The following SDF2 variants were observed in gnomAD, a reference collection of about 807,000 sequenced individuals.
SDF2 encodes stromal cell derived factor 2, also known as stromal cell-derived factor 2.
In SDF2, 12 loss-of-function variants were observed where a neutral mutation model predicts 20.5. The ratio of observed to expected loss-of-function variants is 0.58; its 90% CI spans 0.37 to 0.95. SDF2 has a LOEUF of 0.95. SDF2 is among the 40% of genes least tolerant of loss of function. The probability of loss-of-function intolerance (pLI) is 0.01; values close to 1 mark genes in which losing one functional copy is unlikely to be tolerated. For synonymous variants in SDF2, 100 were observed against 101.0 expected (o/e 0.99, Z 0.06); for missense variants, 238 against 263.1 (o/e 0.90, Z 0.66).
At chr17:28,653,263 CCT>C (rs1324270862) in intron 2 of SDF2, among the ~76,000 whole-genome samples, 1 of 152,154 alleles carries the variant, frequency 6.6e-6, no homozygotes, top group Non-Finnish European at 1.5e-5. Flanking sequence ...AGTATGTACC[CCT>C]GATATGATGG....
In SDF2 at chr17:28,655,363, G is replaced by C. The variant is rs1482993361; in HGVS notation, c.272C>G (p.Pro91Arg). The change falls in exon 2 of 3, where the codon CCC (proline) becomes CGC (arginine). Residue 91 changes from proline to arginine, a missense_variant. Coordinates refer to ENST00000247020, the MANE Select transcript of SDF2 (RefSeq NM_006923.4). ...AGTGTTGACATGTGTCAGCCGGATG[G>C]GCTGGCCACACTTGATGGGGGTTCC... ...ERGTPIKCGQ[P>R]IRLTHVNTGR... The C allele has an allele frequency of 1.2e-6, 2 of 1,614,130 alleles. No homozygotes were observed.
intron 1 of SDF2, chr17:28,661,207 A>G (rs2072034719): frequency 2.2e-6 from 1 of 453,482 alleles, no homozygotes; most frequent in African/African-American, 2.0e-5. Flanking sequence ...GAGCAAGTGT[A>G]AGATGCAGAA....
intron 1 of SDF2, chr17:28,655,974 G>C (rs2071958611): frequency 6.4e-6 from 1 of 155,166 alleles, no homozygotes; most frequent in Non-Finnish European, 1.4e-5. Flanking sequence ...TACTTCAAAT[G>C]CAAGAAATTA....
chr17:28,657,706 A>G (rs2071977059), intron 1 of SDF2: 1 of 152,016 alleles, frequency 6.6e-6, no homozygotes, highest in Admixed American at 6.5e-5. Context: ...CCTAAAAAAA[A>G]ATTTTTATAT....
intron 2 of SDF2, among the ~76,000 whole-genome samples, chr17:28,654,079 G>A (rs1318874476): frequency 6.6e-6 from 1 of 151,930 alleles, no homozygotes; most frequent in Non-Finnish European, 1.5e-5. Context: ...GGGAGGCTGA[G>A]GCAGGCAGAT....
At chr17:28,651,043 T>C (rs2071910835) in intron 2 of SDF2, among the ~76,000 whole-genome samples, 1 of 151,910 alleles carries the variant, frequency 6.6e-6, no homozygotes, top group African/African-American at 2.4e-5. Context: ...GTGCTGGGAT[T>C]ACAGGTGTGA....
Position 28,656,838 on chromosome 17 carries a change from T to TA in SDF2, c.152-1356dup, listed in dbSNP as rs1308542175. Among the ~76,000 whole-genome samples, 12 of 152,350 alleles carry TA rather than the reference T, an allele frequency of 7.9e-5. No individual in the cohort carries two copies. The East Asian group carries it at 2.1e-3, about 27-fold the overall frequency. ...TATTCATGTTCATTAACTATTATGATAAAAATTTTTGTATTTCACAATTAA... is the reference window on the plus strand; with the variant it reads ...TATTCATGTTCATTAACTATTATGATAAAAAATTTTTGTATTTCACAATTAA... On this transcript the variant is annotated intron_variant, in intron 1 of 2. Transcript: ENST00000247020.
At chr17:28,660,245 A>T (rs911184715) in intron 1 of SDF2, among the ~76,000 whole-genome samples, 4 of 152,238 alleles carry the variant, frequency 2.6e-5, no homozygotes, top group African/African-American at 9.6e-5. Flanking sequence ...GAAAGAGAGA[A>T]GAGACAAGAG....
intron 1 of SDF2, chr17:28,661,152 G>A (rs2072033307): frequency 2.2e-6 from 1 of 449,368 alleles, no homozygotes. Context: ...CTTACAAGAA[G>A]GAGGTTAAGG....
chr17:28,661,083 T>TAAAAAAAA (rs11385140), intron 1 of SDF2: 3 of 314,558 alleles, frequency 9.5e-6, no homozygotes, highest in African/African-American at 2.8e-5. Context: ...TTTCAAACGC[T>TAAAAAAAA]AAAAAAAAAA....
At position 28,657,407 on chromosome 17, in the gene SDF2, T is replaced by C. The variant is rs534657039; in HGVS notation, c.152-1924A>G. 1.3e-3 allele frequency among the ~76,000 whole-genome samples: 193 copies of C among 151,810 alleles called. 1 individual carries two copies. Among genetic ancestry groups the C allele is most frequent in the Middle Eastern group, 3.4e-3 (1 of 294 alleles). On this transcript the variant is annotated intron_variant, in intron 1 of 2. Transcript: ENST00000247020. Reference sequence around the variant, plus strand: ...AAACGTACATATATATATATGTATTTTTTTTTTTTGATACAGGATCCCTCT... The same window carrying C: ...AAACGTACATATATATATATGTATTCTTTTTTTTTGATACAGGATCCCTCT...
intron 2 of SDF2, among the ~76,000 whole-genome samples, chr17:28,652,333 CAG>C (rs1433512132): frequency 2.0e-5 from 3 of 151,798 alleles, no homozygotes; most frequent in South Asian, 2.1e-4. Flanking sequence ...TTTTTTGAGA[CAG>C]AGTCTCGCCC....
intron 2 of SDF2, among the ~76,000 whole-genome samples, chr17:28,654,220 T>C (rs935993963): frequency 6.6e-6 from 1 of 152,048 alleles, no homozygotes; most frequent in African/African-American, 2.4e-5. Context: ...GAGAATTGCT[T>C]GAGCCCAGGA....
chr17:28,661,788 A>G lies in SDF2; in HGVS notation c.89T>C (p.Val30Ala), dbSNP rs1597675676. The G allele has an allele frequency of 3.7e-6, 6 of 1,613,878 alleles. No homozygotes were observed. The highest frequency in any genetic ancestry group is 4.2e-6 in the Non-Finnish European group (5 of 1,180,036). ...SLGVVTCGSV[V>A]KLLNTRHNVR... Reference sequence around the variant, plus strand: ...GTTGTGGCGCGTATTGAGTAGCTTCACCACGGAGCCGCAAGTAACGACACC... The same window carrying G: ...GTTGTGGCGCGTATTGAGTAGCTTCGCCACGGAGCCGCAAGTAACGACACC... Residue 30 changes from valine to alanine, a missense_variant, in exon 1 of 3, where the codon GTG (valine) becomes GCG (alanine). Coordinates refer to ENST00000247020, the MANE Select transcript of SDF2 (RefSeq NM_006923.4).
rs766054367 is a variant in SDF2 at position 28,655,348 on chromosome 17, T to C, written c.287A>G (p.His96Arg). Reference protein sequence around the residue: ...IKCGQPIRLTHVNTGRNLHSH... With the variant: ...IKCGQPIRLTRVNTGRNLHSH... ...ATGGAGGTTTCGGCCAGTGTTGACA[T>C]GTGTCAGCCGGATGGGCTGGCCACA... Residue 96 changes from histidine to arginine, a missense_variant, in exon 2 of 3, where the codon CAT becomes CGT. His to Arg is a conservative substitution (Grantham distance 29). Transcript: ENST00000247020. 3.1e-6 allele frequency: 5 copies of C among 1,614,256 alleles called. No homozygotes were observed. The highest frequency in any genetic ancestry group is 1.3e-5 in the African/African-American group (1 of 75,064).
intron 2 of SDF2, among the ~76,000 whole-genome samples, chr17:28,652,475 T>C (rs1042333046): frequency 6.6e-6 from 1 of 152,284 alleles, no homozygotes; most frequent in Non-Finnish European, 1.5e-5. Flanking sequence ...CATGCCCAGC[T>C]AATTTTTGTA....
At chr17:28,656,447 G>C (rs1371783971) in intron 1 of SDF2, 1 of 152,064 alleles carries the variant, frequency 6.6e-6, no homozygotes, top group Non-Finnish European at 1.5e-5. Flanking sequence ...AATTAGCTGG[G>C]TGTGGTGGTG....
chr17:28,651,668 G>A (rs1234926251), intron 2 of SDF2: 1 of 152,234 alleles, frequency 6.6e-6, no homozygotes, highest in Non-Finnish European at 1.5e-5. Context: ...AAGGCAGTGA[G>A]AGAGAAAGCA....
intron 1 of SDF2, chr17:28,657,916 G>C (rs1172821510): frequency 6.6e-6 from 1 of 152,182 alleles, no homozygotes; most frequent in Non-Finnish European, 1.5e-5. Context: ...TCAGGACGCT[G>C]AGATGTGAGG....
Sources: allele counts gnomAD v4.1 joint callset (sites outside exome capture counted in the v4.1 genomes callset), GRCh38; gene constraint gnomAD v4.1.1; transcripts MANE v1.5; gene names NCBI Gene and HGNC (gene_info 2026-07-23, HGNC 2026-07-21).